TECPR2: variants seen among roughly 807,000 people sequenced by gnomAD.
TECPR2 encodes tectonin beta-propeller repeat containing 2.
TECPR2 carries 65 observed loss-of-function variants against 138.1 expected under a neutral mutation model. That is an observed-to-expected ratio of 0.47 (90% CI 0.39 to 0.58). TECPR2 has a LOEUF of 0.58. TECPR2 is among the 20% of genes least tolerant of loss of function. TECPR2 has a pLI of 0.00. For missense variants in TECPR2, 1,553 were observed against 1,824.5 expected (o/e 0.85, Z 2.71); for synonymous variants, 746 against 749.8 (o/e 0.99, Z 0.08).
At chr14:102,457,215 G>C (rs974123249) in intron 16 of TECPR2, among the ~76,000 whole-genome samples, 10 of 152,132 alleles carry the variant, frequency 6.6e-5, no homozygotes, top group African/African-American at 2.2e-4. Context: ...CTCCCGAGTA[G>C]CTGGGATGAC....
At chr14:102,449,991 T>C (rs926657224) in intron 14 of TECPR2, 122 bp downstream of exon 14, 3 of 1,430,062 alleles carry the variant, frequency 2.1e-6, no homozygotes. Flanking sequence ...TGGTATGAAG[T>C]GTCTAGTGGA....
intron 17 of TECPR2, among the ~76,000 whole-genome samples, chr14:102,488,266 G>C (rs547187160): frequency 6.6e-6 from 1 of 150,926 alleles, no homozygotes; most frequent in Non-Finnish European, 1.5e-5. Flanking sequence ...CAATTCTCCT[G>C]CCTCAGTGTC....
rs996300077 is a variant in TECPR2 at position 102,407,347 on chromosome 14, G to A, written c.229G>A (p.Glu77Lys). The change falls in exon 3 of 20, where the codon GAA becomes AAA. Residue 77 changes from glutamate (E) to lysine (K), a missense_variant. Physicochemically the swap from Glu to Lys is moderately conservative, Grantham distance 56 (BLOSUM62 1). Coordinates refer to ENST00000359520, the MANE Select transcript of TECPR2 (RefSeq NM_014844.5). The part of the protein sequence containing the change: ...MRKYNFEGKT[E>K]SITVVKLLSC... ...TTCAACGTTTCCCCAGGGGAAGACG[G>A]AATCTATCACTGTGGTGAAGCTGCT... is the stretch of plus-strand genomic sequence containing the variant. 1 of 1,604,344 alleles carries A rather than the reference G, an allele frequency of 6.2e-7. No homozygotes were observed. The highest frequency in any genetic ancestry group is 2.2e-5 in the East Asian group (1 of 44,712).
intron 2 of TECPR2, among the ~76,000 whole-genome samples, chr14:102,378,234 T>A (rs1290514555): frequency 2.6e-5 from 4 of 152,234 alleles, no homozygotes; most frequent in Non-Finnish European, 5.9e-5. Flanking sequence ...GAGAAATGTT[T>A]ACAAATACTT....
At chr14:102,451,670 CA>C (rs1890146583) in intron 15 of TECPR2, among the ~76,000 whole-genome samples, 1 of 152,054 alleles carries the variant, frequency 6.6e-6, no homozygotes, top group Non-Finnish European at 1.5e-5. Context: ...CTTAGGTTTT[CA>C]AAAATCCAGA....
intron 5 of TECPR2, among the ~76,000 whole-genome samples, chr14:102,418,493 G>A (rs182388547): frequency 2.7e-4 from 41 of 152,352 alleles, no homozygotes; most frequent in African/African-American, 9.1e-4. Flanking sequence ...CAACTAGTGC[G>A]AGAAGACCTT....
intron 4 of TECPR2, among the ~76,000 whole-genome samples, chr14:102,410,544 G>A (rs912937857): frequency 6.6e-6 from 1 of 150,594 alleles, no homozygotes; most frequent in Non-Finnish European, 1.5e-5. Flanking sequence ...AACTTAAAAA[G>A]GACTGGACAA....
chr14:102,492,916 A>G (rs1251835084), intron 17 of TECPR2, among the ~76,000 whole-genome samples: 1 of 152,234 alleles, frequency 6.6e-6, no homozygotes, highest in Non-Finnish European at 1.5e-5. Context: ...GAGAGAGCCA[A>G]GGGAGACAGG....
At chr14:102,426,307 A>G (rs1889320713) in intron 6 of TECPR2, among the ~76,000 whole-genome samples, 1 of 152,216 alleles carries the variant, frequency 6.6e-6, no homozygotes, top group African/African-American at 2.4e-5. Flanking sequence ...TGCTTAAACC[A>G]AGATGATAAC....
chr14:102,472,044 G>A (rs1890663641), intron 17 of TECPR2, among the ~76,000 whole-genome samples: 3 of 152,368 alleles, frequency 2.0e-5, no homozygotes, highest in African/African-American at 4.8e-5. Flanking sequence ...GTGCAAGAGC[G>A]AGATTTGCAG....
Position 102,465,450 on chromosome 14 carries a change from A to G in TECPR2, c.3789+161A>G, listed in dbSNP as rs561951283. 5 of 1,407,536 alleles carry G rather than the reference A, an allele frequency of 3.6e-6. No homozygotes were observed. The South Asian group carries it at 7.0e-5, about 20-fold the overall frequency. The allele number at this position is 1,407,536 out of a possible 1,614,324, so 87.2% of individuals were successfully genotyped here. A position where few individuals can be genotyped will look rare whatever the true frequency, so the allele number is the denominator to read the frequency against. On this transcript the variant is annotated intron_variant, in intron 17 of 19. Transcript: ENST00000359520. ...CACACTCTCGTTCATCAACATCACA[A>G]CTGGAATTCGGGATTTGTGAAGTTT...
chr14:102,386,191 AG>A (rs1887996212), intron 2 of TECPR2, among the ~76,000 whole-genome samples: 1 of 152,056 alleles, frequency 6.6e-6, no homozygotes, highest in Non-Finnish European at 1.5e-5. Context: ...TTTCTTGTCC[AG>A]GCACGGTGGC....
intron 1 of TECPR2, among the ~76,000 whole-genome samples, chr14:102,363,591 A>G (rs1282668612): frequency 6.6e-6 from 1 of 152,250 alleles, no homozygotes; most frequent in Non-Finnish European, 1.5e-5. Flanking sequence ...CGATGAGTGG[A>G]TAAGTGAATG....
rs118147649 is a variant in TECPR2 at position 102,496,341 on chromosome 14, T to C, written c.3790-638T>C. ...GGTCCAACTGAGGGGTGGGAAGCCC[T>C]GGGGCAAACTGGAGTTGCCGGTGGA... is the stretch of plus-strand genomic sequence containing the variant. On this transcript the variant is annotated intron_variant, in intron 17 of 19. Transcript: ENST00000359520. 1.1e-3 allele frequency among the ~76,000 whole-genome samples: 171 copies of C among 152,290 alleles called. 1 individual carries two copies. In the East Asian group the frequency reaches 0.03, roughly 27 times the overall value.
chr14:102,422,122 C>A (rs1426513107), intron 5 of TECPR2, among the ~76,000 whole-genome samples: 1 of 152,154 alleles, frequency 6.6e-6, no homozygotes, highest in African/African-American at 2.4e-5. Flanking sequence ...CACAGCCCAC[C>A]AACTGCATCC....
At chr14:102,399,029 G>A (rs1240388078) in intron 2 of TECPR2, among the ~76,000 whole-genome samples, 1 of 152,204 alleles carries the variant, frequency 6.6e-6, no homozygotes, top group Non-Finnish European at 1.5e-5. Flanking sequence ...TTGGGAGGCT[G>A]AGGCAGGTGG....
intron 7 of TECPR2, among the ~76,000 whole-genome samples, chr14:102,429,178 T>C (rs1889403600): frequency 6.6e-6 from 1 of 152,180 alleles, no homozygotes; most frequent in Non-Finnish European, 1.5e-5. Context: ...GCATTTACAG[T>C]ACATTTCTTG....
At chr14:102,367,768 AG>A (rs1488475145) in intron 1 of TECPR2, among the ~76,000 whole-genome samples, 1 of 152,180 alleles carries the variant, frequency 6.6e-6, no homozygotes, top group Non-Finnish European at 1.5e-5. Flanking sequence ...GCATAAACCT[AG>A]GAATAGAACT....
intron 2 of TECPR2, among the ~76,000 whole-genome samples, chr14:102,380,784 T>G (rs1215875767): frequency 6.6e-6 from 1 of 152,184 alleles, no homozygotes; most frequent in East Asian, 1.9e-4. Flanking sequence ...GTTCAAGCGA[T>G]TCTCATGCCT....
Sources: gnomAD v4.1 joint callset for allele counts (sites outside exome capture counted in the v4.1 genomes callset) on GRCh38, gnomAD v4.1.1 for gene constraint, MANE v1.5 for transcripts, NCBI Gene and HGNC (gene_info 2026-07-23, HGNC 2026-07-21) for gene names.